SRGAP3: variants seen among roughly 807,000 people sequenced by gnomAD.
SRGAP3 encodes SLIT-ROBO Rho GTPase activating protein 3.
In SRGAP3, 39 loss-of-function variants were observed where a neutral mutation model predicts 121.1. The ratio of observed to expected loss-of-function variants is 0.32; its 90% CI spans 0.25 to 0.42. The LOEUF (loss-of-function observed/expected upper bound fraction) is 0.42, where lower values mean the gene tolerates loss of function less well. SRGAP3 is among the 10% of genes least tolerant of loss of function. SRGAP3 has a pLI of 1.00. For missense variants in SRGAP3, 1,213 were observed against 1,470.6 expected (o/e 0.82, Z 2.86); for synonymous variants, 601 against 570.0 (o/e 1.05, Z -0.77).
chr3:9,075,396 C>CGT (rs1341384285), intron 4 of SRGAP3, among the ~76,000 whole-genome samples: 1 of 146,950 alleles, frequency 6.8e-6, no homozygotes, highest in Non-Finnish European at 1.5e-5. Flanking sequence ...TGTGTGCGCG[C>CGT]GCACATATGT....
At chr3:9,182,229 G>T (rs2125122785) in intron 1 of SRGAP3, among the ~76,000 whole-genome samples, 1 of 150,024 alleles carries the variant, frequency 6.7e-6, no homozygotes, top group East Asian at 1.9e-4. Context: ...TAATTTGGGG[G>T]CATAAATTAA....
intron 1 of SRGAP3, among the ~76,000 whole-genome samples, chr3:9,234,604 C>T (rs906320611): frequency 2.6e-5 from 4 of 152,148 alleles, no homozygotes; most frequent in Non-Finnish European, 4.4e-5. Flanking sequence ...GAACTCTACC[C>T]GCCTACAGAA....
At position 8,983,141 on chromosome 3, in the gene SRGAP3, A is replaced by C. The variant is rs534119100; in HGVS notation, c.*2378T>G. 5 of 227,518 alleles carry C rather than the reference A, an allele frequency of 2.2e-5. No individual in the cohort carries two copies. The East Asian group carries it at 2.5e-4, about 11-fold the overall frequency. The allele number at this position is 227,518 out of a possible 1,614,324, so 14.1% of individuals were successfully genotyped here. On this transcript the variant is annotated 3_prime_UTR_variant, in exon 22 of 22. Coordinates refer to ENST00000383836, the MANE Select transcript of SRGAP3 (RefSeq NM_014850.4). ...TTGTGTCCTGGCTGGACAGTATAGC[A>C]TCCAGCATGCAAACACATGACTTTA...
intron 1 of SRGAP3, chr3:9,337,719 G>A (rs959605533): frequency 6.6e-6 from 1 of 152,200 alleles, no homozygotes; most frequent in Non-Finnish European, 1.5e-5. Context: ...AAGTTACCCA[G>A]TTTGTGGTAT....
At chr3:9,171,090 T>C (rs1950961058) in intron 1 of SRGAP3, among the ~76,000 whole-genome samples, 1 of 152,144 alleles carries the variant, frequency 6.6e-6, no homozygotes, top group African/African-American at 2.4e-5. Flanking sequence ...CACAACAGAA[T>C]ATTGTGGAAG....
intron 1 of SRGAP3, among the ~76,000 whole-genome samples, chr3:9,188,182 C>T (rs1373261109): frequency 1.3e-5 from 2 of 152,244 alleles, no homozygotes; most frequent in East Asian, 3.9e-4. Context: ...AAACAAAAGG[C>T]TGACAACTGA....
intron 1 of SRGAP3, among the ~76,000 whole-genome samples, chr3:9,240,653 A>C (rs1041990217): frequency 6.6e-6 from 1 of 152,198 alleles, no homozygotes; most frequent in Admixed American, 6.5e-5. Flanking sequence ...ATGGAGAGAC[A>C]GTCTAAAAGT....
intron 8 of SRGAP3, 79 bp from the exon 9 acceptor site, chr3:9,053,303 C>T: frequency 7.2e-7 from 1 of 1,386,158 alleles, no homozygotes; most frequent in Non-Finnish European, 1.0e-6. Flanking sequence ...TCCCAGCTGT[C>T]ACTTTACTTC....
rs764823026 is a variant in SRGAP3 at position 8,990,703 on chromosome 3, T to A, written c.2695A>T (p.Ile899Phe). ...TCGATCCTCCCCCGGGTGAGGGGGA[T>A]TTTGTGGGGGCTGCTGGGGCAGGCA... Reference protein sequence around the residue: ...AAACPSSPHKIPLTRGRIESP... With the variant: ...AAACPSSPHKFPLTRGRIESP... Residue 899 changes from isoleucine (I) to phenylalanine (F), a missense_variant, in exon 21 of 22, where the codon ATC becomes TTC. Ile to Phe is a conservative substitution (Grantham distance 21). Around this residue, in one of 2 missense-constraint regions of SRGAP3, gnomAD observed 420 missense variants for 437.7 expected, o/e 0.96. Coordinates refer to ENST00000383836, the MANE Select transcript of SRGAP3 (RefSeq NM_014850.4). 5.3e-5 allele frequency: 85 copies of A among 1,612,446 alleles called. No homozygotes were observed. Among genetic ancestry groups the A allele is most frequent in the Non-Finnish European group, 7.1e-5 (84 of 1,179,618 alleles).
chr3:9,161,515 G>T (rs963701513), intron 1 of SRGAP3, among the ~76,000 whole-genome samples: 2 of 152,212 alleles, frequency 1.3e-5, no homozygotes, highest in African/African-American at 4.8e-5. Flanking sequence ...GCTGGAAGAG[G>T]CAGAGATAGG....
At chr3:9,099,480 G>A (rs1291903505) in intron 3 of SRGAP3, among the ~76,000 whole-genome samples, 1 of 152,218 alleles carries the variant, frequency 6.6e-6, no homozygotes, top group Non-Finnish European at 1.5e-5. Flanking sequence ...AACGGTTAGC[G>A]GGGAGCAGGA....
intron 12 of SRGAP3, chr3:9,028,128 C>T (rs1944304186): frequency 6.2e-7 from 1 of 1,614,128 alleles, no homozygotes; most frequent in Non-Finnish European, 8.5e-7. Context: ...ATTTCTTCTT[C>T]CTCTGATAAC....
intron 3 of SRGAP3, among the ~76,000 whole-genome samples, chr3:9,278,327 G>A (rs911001877): frequency 1.3e-5 from 2 of 152,152 alleles, no homozygotes; most frequent in Non-Finnish European, 2.9e-5. Context: ...GAGGCCACCA[G>A]CTGAGGCAAT....
chr3:9,306,113 C>T (rs935658755), intron 3 of SRGAP3, among the ~76,000 whole-genome samples: 32 of 152,200 alleles, frequency 2.1e-4, no homozygotes, highest in African/African-American at 6.5e-4. Flanking sequence ...TTCCAAATGG[C>T]GTGAGATGGC....
At chr3:8,989,324 C>T (rs866153172) in intron 21 of SRGAP3, among the ~76,000 whole-genome samples, 1 of 152,174 alleles carries the variant, frequency 6.6e-6, no homozygotes, top group African/African-American at 2.4e-5. Context: ...CATGCCTCCT[C>T]GGAAGGCACT....
intron 5 of SRGAP3, among the ~76,000 whole-genome samples, chr3:9,061,512 C>T (rs893031010): frequency 6.6e-6 from 1 of 152,220 alleles, no homozygotes; most frequent in Non-Finnish European, 1.5e-5. Context: ...CTCCCACTCC[C>T]TCTGCCCACC....
At chr3:9,195,640 C>T (rs981246142) in intron 1 of SRGAP3, among the ~76,000 whole-genome samples, 5 of 152,090 alleles carry the variant, frequency 3.3e-5, no homozygotes, top group African/African-American at 9.7e-5. Flanking sequence ...CCCAAGGCCC[C>T]GTCTCAGGCT....
intron 1 of SRGAP3, among the ~76,000 whole-genome samples, chr3:9,211,133 G>T (rs1952432838): frequency 6.6e-6 from 1 of 152,140 alleles, no homozygotes; most frequent in African/African-American, 2.4e-5. Context: ...TTAGTAAGGT[G>T]TTGAGGGGGG....
intron 3 of SRGAP3, among the ~76,000 whole-genome samples, chr3:9,300,788 G>C (rs182423816): frequency 1.8e-4 from 27 of 152,322 alleles, no homozygotes; most frequent in Non-Finnish European, 3.4e-4. Context: ...CCAGTGGGTG[G>C]TGGGTAGTGG....
Sources: gnomAD v4.1 joint callset for allele counts (sites outside exome capture counted in the v4.1 genomes callset) on GRCh38, gnomAD v4.1.1 for gene constraint, gnomAD v4.1.1 regional missense constraint, MANE v1.5 for transcripts, NCBI Gene and HGNC (gene_info 2026-07-23, HGNC 2026-07-21) for gene names.